THSD7A: variants seen among roughly 807,000 people sequenced by gnomAD.
The protein encoded by THSD7A is thrombospondin type 1 domain containing 7A, also known as thrombospondin type-1 domain-containing protein 7A.
THSD7A carries 96 observed loss-of-function variants against 231.3 expected under a neutral mutation model. That is an observed-to-expected ratio of 0.41 (90% CI 0.35 to 0.49). The LOEUF (loss-of-function observed/expected upper bound fraction) is 0.49. THSD7A is among the 20% of genes least tolerant of loss of function. The probability of loss-of-function intolerance (pLI) is 0.05; values close to 1 mark genes in which losing one functional copy is unlikely to be tolerated. For missense variants in THSD7A, 2,290 were observed against 2,070.2 expected (o/e 1.11, Z -2.06); for synonymous variants, 940 against 743.3 (o/e 1.26, Z -4.30).
At chr7:11,519,718 C>T (rs1311586169) in intron 6 of THSD7A, among the ~76,000 whole-genome samples, 1 of 152,108 alleles carries the variant, frequency 6.6e-6, no homozygotes, top group African/African-American at 2.4e-5. Flanking sequence ...TTCGATTATC[C>T]TGCACTTCTG....
intron 1 of THSD7A, among the ~76,000 whole-genome samples, chr7:11,720,711 T>C (rs1356104248): frequency 6.6e-6 from 1 of 151,772 alleles, no homozygotes; most frequent in South Asian, 2.1e-4. Flanking sequence ...ATGGCTACTA[T>C]AGACATCTAC....
chr7:11,405,639 T>C (rs921511186), intron 22 of THSD7A, among the ~76,000 whole-genome samples: 3 of 152,188 alleles, frequency 2.0e-5, no homozygotes, highest in Non-Finnish European at 2.9e-5. Flanking sequence ...CTGTCTGCCA[T>C]TTTTTCCATA....
At chr7:11,460,320 G>A (rs1785457826) in intron 11 of THSD7A, among the ~76,000 whole-genome samples, 1 of 152,046 alleles carries the variant, frequency 6.6e-6, no homozygotes, top group African/African-American at 2.4e-5. Flanking sequence ...TATTACGGTG[G>A]CAAGCAAAAT....
intron 1 of THSD7A, among the ~76,000 whole-genome samples, chr7:11,755,746 A>G (rs1373028919): frequency 6.6e-6 from 1 of 152,036 alleles, no homozygotes; most frequent in Non-Finnish European, 1.5e-5. Context: ...AGGGTTGTTC[A>G]TTTTGCTTGT....
intron 2 of THSD7A, among the ~76,000 whole-genome samples, chr7:11,628,370 T>C (rs927110329): frequency 6.6e-6 from 1 of 152,216 alleles, no homozygotes; most frequent in Non-Finnish European, 1.5e-5. Context: ...GAACAATTAC[T>C]GCTGCAATTC....
intron 1 of THSD7A, among the ~76,000 whole-genome samples, chr7:11,759,663 C>T (rs1039015266): frequency 2.0e-5 from 3 of 151,954 alleles, no homozygotes; most frequent in East Asian, 1.9e-4. Flanking sequence ...TACACACACA[C>T]GATTACCTAA....
intron 13 of THSD7A, among the ~76,000 whole-genome samples, chr7:11,438,347 A>G (rs1784696984): frequency 6.6e-6 from 1 of 152,056 alleles, no homozygotes; most frequent in African/African-American, 2.4e-5. Flanking sequence ...CATTTGTAAT[A>G]TTTGTAGAGC....
chr7:11,456,290 T>C (rs1477169565), intron 11 of THSD7A, among the ~76,000 whole-genome samples: 3 of 152,020 alleles, frequency 2.0e-5, no homozygotes, highest in African/African-American at 4.8e-5. Context: ...CCATAGCCCA[T>C]GTATTTTCTG....
chr7:11,375,085 A>C lies in THSD7A; in HGVS notation c.*709T>G, dbSNP rs1220623381. 1 of 152,088 alleles carries C rather than the reference A, an allele frequency of 6.6e-6. No homozygotes were observed. Among genetic ancestry groups the C allele is most frequent in the Non-Finnish European group, 1.5e-5 (1 of 67,990 alleles). The allele number at this position is 152,088 out of a possible 1,614,324, so 9.4% of individuals were successfully genotyped here. A position where few individuals can be genotyped will look rare whatever the true frequency, so the allele number is the denominator to read the frequency against. On this transcript the variant is annotated 3_prime_UTR_variant, in exon 28 of 28. Coordinates refer to ENST00000423059, the MANE Select transcript of THSD7A (RefSeq NM_015204.3). ...CGTATTGTATTAACACAAGTAAATTAGTTTTCCAGACAATTACCACTATAA... is the reference window on the plus strand; with the variant it reads ...CGTATTGTATTAACACAAGTAAATTCGTTTTCCAGACAATTACCACTATAA...
At chr7:11,656,686 TTATGTGTGTCTAGAATTTTAAACATC>T in intron 1 of THSD7A, among the ~76,000 whole-genome samples, 1 of 151,858 alleles carries the variant, frequency 6.6e-6, no homozygotes. Flanking sequence ...TTAAAAAATA[TTATGTGTGTCTAGAATTTTAAACATC>T]AACATATCAT....
At chr7:11,409,389 A>T (rs1187523580) in intron 19 of THSD7A, among the ~76,000 whole-genome samples, 1 of 152,178 alleles carries the variant, frequency 6.6e-6, no homozygotes, top group Non-Finnish European at 1.5e-5. Flanking sequence ...AGAATGTTAA[A>T]ACTAGGAGTC....
At chr7:11,496,998 G>T (rs1787129898) in intron 6 of THSD7A, among the ~76,000 whole-genome samples, 1 of 152,150 alleles carries the variant, frequency 6.6e-6, no homozygotes. Context: ...ACTATAAGGA[G>T]ATACCCGAGA....
At chr7:11,751,527 G>C (rs1036846489) in intron 1 of THSD7A, among the ~76,000 whole-genome samples, 1 of 151,940 alleles carries the variant, frequency 6.6e-6, no homozygotes, top group African/African-American at 2.4e-5. Context: ...GGCATATAAA[G>C]AGAGTACAAC....
At position 11,373,150 on chromosome 7, in the gene THSD7A, TTC is replaced by T. The variant is rs1286371248; in HGVS notation, c.*2642_*2643del. ...TGAATAAAATGTATTTTTCATAACA[TTC>T]TATAATTTTGATTTGCTAATTTAAT... On this transcript the variant is annotated 3_prime_UTR_variant, in exon 28 of 28. Transcript: ENST00000423059. 1.3e-5 allele frequency: 2 copies of T among 151,902 alleles called. No homozygotes were observed. Among genetic ancestry groups the T allele is most frequent in the Non-Finnish European group, 1.5e-5 (1 of 67,914 alleles). The allele number at this position is 151,902 out of a possible 1,614,324, so 9.4% of individuals were successfully genotyped here.
At chr7:11,438,745 G>T (rs1387574855) in intron 13 of THSD7A, among the ~76,000 whole-genome samples, 1 of 151,928 alleles carries the variant, frequency 6.6e-6, no homozygotes, top group Non-Finnish European at 1.5e-5. Flanking sequence ...TGTCCACATG[G>T]CAGTACCAAG....
rs34985878 is a variant in THSD7A at position 11,444,783 on chromosome 7, C to CTGTGTG, written c.3064+1272_3064+1277dup. 9.2e-4 allele frequency among the ~76,000 whole-genome samples: 133 copies of CTGTGTG among 144,568 alleles called. No homozygotes were observed. Among genetic ancestry groups the CTGTGTG allele is most frequent in the African/African-American group, 1.4e-3 (57 of 39,674 alleles). 94.8% of individuals were successfully genotyped at this position (144,568 alleles called of 152,430 possible). ...AAGAGAGGGGGCACAGTTGTCTGCT[C>CTGTGTG]TGTGTGTGTGTGTGTGTGTGTGTGT... On this transcript the variant is annotated intron_variant, in intron 13 of 27. Transcript: ENST00000423059. This position sits in a 1 kb window ranked among gnomAD's most constrained non-coding sequence, Gnocchi z 4.2.
chr7:11,579,570 G>A (rs1021850586), intron 4 of THSD7A, among the ~76,000 whole-genome samples: 2 of 152,148 alleles, frequency 1.3e-5, no homozygotes, highest in African/African-American at 4.8e-5. Flanking sequence ...TGGAAGGTCT[G>A]TATTAACTGC....
chr7:11,701,974 G>T (rs1780617942), intron 1 of THSD7A, among the ~76,000 whole-genome samples: 1 of 151,088 alleles, frequency 6.6e-6, no homozygotes, highest in Non-Finnish European at 1.5e-5. Context: ...AAGCAATTGG[G>T]TGTACCTTGT....
At chr7:11,756,062 A>T (rs1191877989) in intron 1 of THSD7A, among the ~76,000 whole-genome samples, 2 of 152,056 alleles carry the variant, frequency 1.3e-5, no homozygotes, top group Non-Finnish European at 2.9e-5. Flanking sequence ...CAACATTATC[A>T]TTGCATCTGC....
Sources: allele counts gnomAD v4.1 joint callset (sites outside exome capture counted in the v4.1 genomes callset), GRCh38; gene constraint gnomAD v4.1.1; non-coding constraint Gnocchi (gnomAD v3.1); transcripts MANE v1.5; gene names NCBI Gene and HGNC (gene_info 2026-07-23, HGNC 2026-07-21).